Variants in DMD observed in about 807,000 individuals in gnomAD.
DMD encodes mutant dystrophin.
DMD carries 63 observed loss-of-function variants against 330.1 expected under a neutral mutation model. The observed-to-expected ratio is 0.19, with a 90% CI of 0.16 to 0.24. DMD has a LOEUF of 0.24. DMD is among the 10% of genes least tolerant of loss of function. The probability of loss-of-function intolerance (pLI) is 1.00; values close to 1 mark genes in which losing one functional copy is unlikely to be tolerated. For missense variants in DMD, 3,344 were observed against 2,684.1 expected (o/e 1.25, Z -5.43); for synonymous variants, 1,223 against 959.8 (o/e 1.27, Z -5.07).
intron 7 of DMD, among the ~76,000 whole-genome samples, chrX:32,772,367 G>A (rs778788764): frequency 1.3e-4 from 15 of 112,342 alleles, no homozygotes; most frequent in Non-Finnish European, 2.4e-4. Flanking sequence ...CGTTTACAAG[G>A]GGGAACAGCA....
chrX:32,738,188 A>G (rs113750182), intron 7 of DMD, among the ~76,000 whole-genome samples: 8,609 of 111,655 alleles, frequency 0.077, 806 homozygotes, highest in African/African-American at 0.27. Context: ...TAGGCATCCA[A>G]TAATGTGGTT....
At chrX:32,626,332 T>A (rs1213672693) in intron 11 of DMD, among the ~76,000 whole-genome samples, 2 of 95,447 alleles carry the variant, frequency 2.1e-5, no homozygotes, top group African/African-American at 1.2e-4. Context: ...CTGGGCGTGG[T>A]GGCAAGCACT....
intron 7 of DMD, among the ~76,000 whole-genome samples, chrX:32,735,923 C>A (rs1414541849): frequency 1.8e-5 from 2 of 111,702 alleles, no homozygotes; most frequent in Non-Finnish European, 3.8e-5. Flanking sequence ...AATGGGATCT[C>A]GTTAAACTAA....
intron 2 of DMD, among the ~76,000 whole-genome samples, chrX:33,015,927 A>C (rs2093793496): frequency 9.0e-6 from 1 of 110,949 alleles, no homozygotes; most frequent in African/African-American, 3.3e-5. Context: ...CCTCCACAAC[A>C]ACTGTTTCAG....
At chrX:31,632,703 G>A (rs957713411) in intron 54 of DMD, among the ~76,000 whole-genome samples, 1 of 111,748 alleles carries the variant, frequency 8.9e-6, no homozygotes, top group Non-Finnish European at 1.9e-5. Flanking sequence ...AATGATTCTT[G>A]CCATATCAAC....
intron 1 of DMD, among the ~76,000 whole-genome samples, chrX:33,022,850 C>T (rs73621866): frequency 0.011 from 1,196 of 111,244 alleles, 20 homozygotes; most frequent in East Asian, 0.1. Context: ...AACATATTAA[C>T]GCAAATGCAA....
intron 44 of DMD, among the ~76,000 whole-genome samples, chrX:32,001,689 C>T (rs147765451): frequency 0.013 from 1,479 of 111,300 alleles, 21 homozygotes; most frequent in African/African-American, 0.046. Flanking sequence ...TCAAATCGGT[C>T]GATTTAATCC....
intron 60 of DMD, among the ~76,000 whole-genome samples, chrX:31,400,372 A>T (rs2061135263): frequency 9.0e-6 from 1 of 111,338 alleles, no homozygotes; most frequent in Non-Finnish European, 1.9e-5. Context: ...GATGGAACAA[A>T]TGTACATCTT....
intron 52 of DMD, among the ~76,000 whole-genome samples, chrX:31,700,139 T>C (rs1265770335): frequency 3.7e-5 from 4 of 109,026 alleles, no homozygotes; most frequent in African/African-American, 1.3e-4. Flanking sequence ...TGAGCCGAGA[T>C]TGCGCCACTG....
chrX:32,893,860 C>T (rs1397525577), intron 2 of DMD, among the ~76,000 whole-genome samples: 1 of 111,250 alleles, frequency 9.0e-6, no homozygotes, highest in East Asian at 2.8e-4. Context: ...CTTTGGTCAA[C>T]GGGGTGTTAA....
At chrX:33,046,186 C>T (rs187572424) in intron 1 of DMD, among the ~76,000 whole-genome samples, 27 of 111,049 alleles carry the variant, frequency 2.4e-4, no homozygotes, top group Non-Finnish European at 7.6e-5. Flanking sequence ...TGAATGTGAC[C>T]GGTAGACCTG....
At chrX:31,418,314 C>G (rs1401117687) in intron 60 of DMD, among the ~76,000 whole-genome samples, 1 of 110,926 alleles carries the variant, frequency 9.0e-6, no homozygotes, top group Non-Finnish European at 1.9e-5. Context: ...TATAAGGGTT[C>G]TAATCTCATT....
intron 4 of DMD, among the ~76,000 whole-genome samples, chrX:32,840,821 A>G (rs1194997968): frequency 8.9e-6 from 1 of 112,096 alleles, no homozygotes; most frequent in Non-Finnish European, 1.9e-5. Context: ...AGTCACTTCC[A>G]GTTTGGGCTA....
intron 44 of DMD, among the ~76,000 whole-genome samples, chrX:31,979,889 T>C (rs1232553942): frequency 8.9e-6 from 1 of 112,561 alleles, no homozygotes; most frequent in Non-Finnish European, 1.9e-5. Flanking sequence ...ATCATAAAGG[T>C]AATAATCTTC....
intron 43 of DMD, 72 bp from the exon 44 acceptor site, chrX:32,217,135 T>C (rs2097115331): frequency 9.4e-7 from 1 of 1,060,941 alleles, no homozygotes; most frequent in African/African-American, 1.9e-5. Context: ...ATATAGCGTA[T>C]ATTTTTTGGT....
At chrX:32,769,691 GAT>G (rs1245264253) in intron 7 of DMD, among the ~76,000 whole-genome samples, 1 of 111,083 alleles carries the variant, frequency 9.0e-6, no homozygotes, top group Non-Finnish European at 1.9e-5. Context: ...CCCTTGGAAA[GAT>G]ATAAGAGCAG....
At chrX:32,470,160 A>G (rs2148470866) in intron 22 of DMD, among the ~76,000 whole-genome samples, 1 of 111,039 alleles carries the variant, frequency 9.0e-6, no homozygotes, top group Non-Finnish European at 1.9e-5. Flanking sequence ...TTAAGTTACA[A>G]TTATTCATAG....
chrX:31,985,449 C>T (rs1050527690), intron 44 of DMD, among the ~76,000 whole-genome samples: 2 of 112,565 alleles, frequency 1.8e-5, no homozygotes, highest in African/African-American at 6.4e-5. Context: ...ATTTATGTCG[C>T]TTCTACATAA....
intron 1 of DMD, among the ~76,000 whole-genome samples, chrX:33,057,712 A>G (rs1225359360): frequency 8.9e-6 from 1 of 111,938 alleles, no homozygotes. Context: ...GAATCATTAT[A>G]GATAACTTTG....
Sources: allele counts gnomAD v4.1 joint callset (sites outside exome capture counted in the v4.1 genomes callset), GRCh38; gene constraint gnomAD v4.1.1; transcripts MANE v1.5; gene names NCBI Gene and HGNC (gene_info 2026-07-23, HGNC 2026-07-21).